The following GPC6 variants were observed in gnomAD, a reference collection of about 807,000 sequenced individuals.
GPC6 encodes the protein glypican 6.
A neutral mutation model predicts 55.2 loss-of-function variants in GPC6; 14 were observed. That is an observed-to-expected ratio of 0.25 (90% CI 0.17 to 0.40). The LOEUF (loss-of-function observed/expected upper bound fraction) is 0.40. Ranked by LOEUF, GPC6 falls within the 10% of genes least tolerant of loss-of-function variation. GPC6 has a pLI of 1.00. For synonymous variants in GPC6, 278 were observed against 259.6 expected (o/e 1.07, Z -0.68); for missense variants, 641 against 708.5 (o/e 0.90, Z 1.08).
chr13:93,802,639 A>C (rs1886411440), intron 2 of GPC6, among the ~76,000 whole-genome samples: 1 of 152,132 alleles, frequency 6.6e-6, no homozygotes, highest in Non-Finnish European at 1.5e-5. Flanking sequence ...TCCTGGGCTC[A>C]AGTGATCTTC....
chr13:94,285,995 C>T (rs1313472286), intron 4 of GPC6, among the ~76,000 whole-genome samples: 2 of 152,136 alleles, frequency 1.3e-5, no homozygotes, highest in Non-Finnish European at 2.9e-5. Flanking sequence ...CTCAGTTTTC[C>T]CCAGACTCCA....
At chr13:94,219,165 C>A (rs1225710132) in intron 4 of GPC6, among the ~76,000 whole-genome samples, 1 of 152,112 alleles carries the variant, frequency 6.6e-6, no homozygotes, top group Admixed American at 6.6e-5. Flanking sequence ...GAGTCGACTG[C>A]TTTTCAAGCA....
chr13:93,440,569 G>A (rs1877750053), intron 1 of GPC6, among the ~76,000 whole-genome samples: 1 of 152,166 alleles, frequency 6.6e-6, no homozygotes, highest in Non-Finnish European at 1.5e-5. Flanking sequence ...CACCCACCTG[G>A]CTTGTGGAGC....
intron 1 of GPC6, among the ~76,000 whole-genome samples, chr13:93,297,768 C>T (rs867081817): frequency 4.0e-5 from 6 of 151,834 alleles, no homozygotes; most frequent in East Asian, 1.9e-4. Context: ...GTTGTAATTA[C>T]GTATGGTCTT....
chr13:94,080,581 T>C (rs1390403808), intron 4 of GPC6, among the ~76,000 whole-genome samples: 1 of 152,174 alleles, frequency 6.6e-6, no homozygotes, highest in Non-Finnish European at 1.5e-5. Context: ...TGTCATAGAC[T>C]GGGTAGCTTA....
At chr13:93,610,880 CATTT>C (rs1184365890) in intron 2 of GPC6, among the ~76,000 whole-genome samples, 2 of 152,008 alleles carry the variant, frequency 1.3e-5, no homozygotes, top group Non-Finnish European at 2.9e-5. Context: ...GGAAAACACT[CATTT>C]AGTAAGTATA....
chr13:93,254,874 A>C (rs1321118844), intron 1 of GPC6, among the ~76,000 whole-genome samples: 3 of 152,238 alleles, frequency 2.0e-5, no homozygotes, highest in Non-Finnish European at 4.4e-5. Flanking sequence ...GTTGTAAAAT[A>C]TGTTTTGGTA....
chr13:93,847,232 G>T (rs544615746), intron 3 of GPC6, among the ~76,000 whole-genome samples: 1 of 152,034 alleles, frequency 6.6e-6, no homozygotes, highest in South Asian at 2.1e-4. Flanking sequence ...ATTTTCAGTC[G>T]GCTCTGGGGA....
chr13:94,373,867 C>T (rs1271957757), intron 6 of GPC6, among the ~76,000 whole-genome samples: 2 of 152,000 alleles, frequency 1.3e-5, no homozygotes, highest in African/African-American at 2.4e-5. Context: ...GCGGATCTCT[C>T]GGCAGAAACC....
chr13:93,453,242 T>A (rs1878295656), intron 1 of GPC6, among the ~76,000 whole-genome samples: 1 of 152,204 alleles, frequency 6.6e-6, no homozygotes, highest in African/African-American at 2.4e-5. Context: ...AATTCTAAAA[T>A]CCTTCCTCTT....
intron 4 of GPC6, among the ~76,000 whole-genome samples, chr13:94,195,550 G>T (rs1005300372): frequency 6.6e-6 from 1 of 152,212 alleles, no homozygotes; most frequent in African/African-American, 2.4e-5. Flanking sequence ...CTTTGGGATT[G>T]TTCCTTAACT....
At chr13:94,133,687 TAGTATGCCTAAAA>T (rs1887084548) in intron 4 of GPC6, among the ~76,000 whole-genome samples, 1 of 152,054 alleles carries the variant, frequency 6.6e-6, no homozygotes, top group Non-Finnish European at 1.5e-5. Context: ...AAAGTGAATT[TAGTATGCCTAAAA>T]AGAACACAAC....
At chr13:94,021,671 A>AAAG (rs1882700513) in intron 3 of GPC6, among the ~76,000 whole-genome samples, 1 of 151,954 alleles carries the variant, frequency 6.6e-6, no homozygotes, top group African/African-American at 2.4e-5. Flanking sequence ...GATTTTTGTT[A>AAAG]TTTTATTTAC....
At chr13:93,714,606 C>A (rs989671173) in intron 2 of GPC6, among the ~76,000 whole-genome samples, 4 of 151,524 alleles carry the variant, frequency 2.6e-5, no homozygotes, top group African/African-American at 9.7e-5. Context: ...GGACAAAAAT[C>A]ATACTGATGC....
intron 1 of GPC6, among the ~76,000 whole-genome samples, chr13:93,519,034 A>G (rs1177289592): frequency 6.6e-6 from 1 of 152,070 alleles, no homozygotes; most frequent in Non-Finnish European, 1.5e-5. Context: ...AGAGTTGAGT[A>G]GTTGTAATAG....
At chr13:93,952,864 GTATATATATACATATATATA>G (rs1285202076) in intron 3 of GPC6, among the ~76,000 whole-genome samples, 1 of 106,984 alleles carries the variant, frequency 9.3e-6, no homozygotes, top group East Asian at 3.7e-4. Context: ...GTATATATAT[GTATATATATACATATATATA>G]TGTGTGATAT....
intron 1 of GPC6, among the ~76,000 whole-genome samples, chr13:93,236,931 A>G (rs1359050121): frequency 6.6e-6 from 1 of 152,182 alleles, no homozygotes; most frequent in Non-Finnish European, 1.5e-5. Flanking sequence ...AGTATTCCAT[A>G]GTATATATAT....
chr13:94,350,542 A>G (rs1878489996), intron 6 of GPC6, among the ~76,000 whole-genome samples: 1 of 152,354 alleles, frequency 6.6e-6, no homozygotes, highest in East Asian at 1.9e-4. Flanking sequence ...TGTGGTACCC[A>G]CAATGAGAAA....
intron 2 of GPC6, among the ~76,000 whole-genome samples, chr13:93,696,682 C>T (rs1882469182): frequency 6.7e-6 from 1 of 149,334 alleles, no homozygotes; most frequent in South Asian, 2.1e-4. Context: ...AGTGCAGTGG[C>T]AGGATCTCAG....
Sources: gnomAD v4.1 joint callset for allele counts (sites outside exome capture counted in the v4.1 genomes callset) on GRCh38, gnomAD v4.1.1 for gene constraint, MANE v1.5 for transcripts, NCBI Gene and HGNC (gene_info 2026-07-23, HGNC 2026-07-21) for gene names.